Variants in DROSHA observed in about 807,000 individuals in gnomAD.
DROSHA encodes ribonuclease 3.
Under a neutral mutation model 181.9 loss-of-function variants are expected in DROSHA, and 56 were observed. The ratio of observed to expected loss-of-function variants is 0.31; its 90% CI spans 0.25 to 0.38. The LOEUF is 0.38. Ranked by LOEUF, DROSHA falls within the 10% of genes least tolerant of loss-of-function variation. The pLI is 1.00. For missense variants in DROSHA, 1,218 were observed against 1,743.5 expected (o/e 0.70, Z 5.37); for synonymous variants, 524 against 591.2 (o/e 0.89, Z 1.65).
At chr5:31,506,709 AC>A (rs1482974889) in intron 10 of DROSHA, among the ~76,000 whole-genome samples, 1 of 150,368 alleles carries the variant, frequency 6.7e-6, no homozygotes, top group Non-Finnish European at 1.5e-5. Context: ...AAAAAAAAAG[AC>A]AAAAAAAAAG....
intron 21 of DROSHA, among the ~76,000 whole-genome samples, chr5:31,451,158 C>T (rs1277905743): frequency 6.6e-6 from 1 of 151,854 alleles, no homozygotes; most frequent in Admixed American, 6.6e-5. Context: ...GCCGAGATCA[C>T]GCCATTGCAC....
At chr5:31,490,674 T>C (rs930780940) in intron 13 of DROSHA, among the ~76,000 whole-genome samples, 11 of 152,206 alleles carry the variant, frequency 7.2e-5, no homozygotes, top group Non-Finnish European at 1.6e-4. Flanking sequence ...TTACCATCAT[T>C]TGCATGACAT....
chr5:31,406,839 T>C lies in DROSHA; in HGVS notation c.3947+14A>G, dbSNP rs563217555. ...TGTTCATTCAAAGCAATTCCAGGTA[T>C]TCTCTTCTCATACCTTGGTCCTTTC... On this transcript the variant is annotated intron_variant, in intron 34 of 35. Transcript: ENST00000344624. 6 of 1,611,628 alleles carry C rather than the reference T, an allele frequency of 3.7e-6. No homozygotes were observed. The highest frequency in any genetic ancestry group is 3.3e-5 in the South Asian group (3 of 90,822).
chr5:31,435,921 G>C, intron 24 of DROSHA, 57 bp from the exon 25 acceptor site: 1 of 1,509,610 alleles, frequency 6.6e-7, no homozygotes, highest in Non-Finnish European at 9.1e-7. Context: ...TCTGTCTGTG[G>C]CTCTGAGTCA....
chr5:31,406,160 T>C (rs1003331257), intron 34 of DROSHA, among the ~76,000 whole-genome samples: 14 of 152,174 alleles, frequency 9.2e-5, no homozygotes, highest in Non-Finnish European at 1.0e-4. Flanking sequence ...ATAATTCTTT[T>C]CACCTAAAGA....
intron 27 of DROSHA, among the ~76,000 whole-genome samples, chr5:31,425,056 T>C (rs530765979): frequency 4.6e-5 from 7 of 152,286 alleles, no homozygotes; most frequent in African/African-American, 1.7e-4. Flanking sequence ...CTGACTTAAA[T>C]CTAGAGGTTA....
At chr5:31,418,483 G>A (rs1580011152) in intron 30 of DROSHA, among the ~76,000 whole-genome samples, 2 of 151,888 alleles carry the variant, frequency 1.3e-5, no homozygotes, top group African/African-American at 4.8e-5. Context: ...TGCACAGGCT[G>A]GTCTTAAACT....
intron 14 of DROSHA, among the ~76,000 whole-genome samples, 160 bp downstream of exon 14, chr5:31,486,331 A>G (rs1346865277): frequency 6.6e-6 from 1 of 152,246 alleles, no homozygotes; most frequent in Admixed American, 6.5e-5. Flanking sequence ...TAACCTTGAT[A>G]CTAGAGCTAC....
At chr5:31,502,541 C>A (rs913400609) in intron 11 of DROSHA, among the ~76,000 whole-genome samples, 2 of 152,220 alleles carry the variant, frequency 1.3e-5, no homozygotes, top group Non-Finnish European at 2.9e-5. Flanking sequence ...CCAGGCAATA[C>A]AGCATCAGCA....
In DROSHA at chr5:31,526,119, C is replaced by T; in HGVS notation, c.814G>A (p.Gly272Arg). Residue 272 changes from glycine to arginine, a missense_variant, in exon 5 of 36, where the codon GGG (glycine) becomes AGG (arginine). Around this residue, in one of 8 missense-constraint regions of DROSHA, gnomAD observed 536 missense variants for 535.4 expected, o/e 1.00. Coordinates refer to ENST00000344624, the MANE Select transcript of DROSHA (RefSeq NM_001382508.1). ...DSRYRSDYDRGRTPSRHRSYE... is the reference protein window; with the variant it reads ...DSRYRSDYDRRRTPSRHRSYE... ...CTGCGGTGGCGAGATGGTGTTCTCC[C>T]TCGGTCATAATCAGATCTGTACCGG... 1 of 1,604,898 alleles carries T rather than the reference C, an allele frequency of 6.2e-7. No individual in the cohort carries two copies. Among genetic ancestry groups the T allele is most frequent in the Non-Finnish European group, 8.5e-7 (1 of 1,172,508 alleles).
At position 31,476,392 on chromosome 5, in the gene DROSHA, G is replaced by A. The variant is rs566569777; in HGVS notation, c.2072-4160C>T. Among the ~76,000 whole-genome samples the A allele has an allele frequency of 3.5e-4, 53 of 152,234 alleles. 1 individual carries two copies. The highest frequency in any genetic ancestry group is 6.8e-3 in the Middle Eastern group (2 of 294). On this transcript the variant is annotated intron_variant, in intron 16 of 35. Coordinates refer to ENST00000344624, the MANE Select transcript of DROSHA (RefSeq NM_001382508.1). ...AGAAAGAAAGAAAGAAGATCACAAG[G>A]TGCTTATAAGAATGCCAGTTATCCA...
chr5:31,496,477 T>C (rs1235319353), intron 11 of DROSHA, among the ~76,000 whole-genome samples: 1 of 152,242 alleles, frequency 6.6e-6, no homozygotes, highest in Non-Finnish European at 1.5e-5. Flanking sequence ...AGGTGGCCTA[T>C]ACAGGGCTCT....
At chr5:31,446,353 G>A (rs372308345) in intron 23 of DROSHA, among the ~76,000 whole-genome samples, 17 of 151,138 alleles carry the variant, frequency 1.1e-4, no homozygotes, top group South Asian at 6.3e-4. Flanking sequence ...AGGCTGAGGC[G>A]GGAGAATGGC....
intron 5 of DROSHA, among the ~76,000 whole-genome samples, chr5:31,523,291 C>T (rs527463554): frequency 5.9e-5 from 9 of 152,256 alleles, no homozygotes; most frequent in South Asian, 4.1e-4. Context: ...TAAAACAACT[C>T]GAATATAAAT....
intron 20 of DROSHA, 43 bp downstream of exon 20, chr5:31,464,193 A>G: frequency 6.4e-7 from 1 of 1,572,620 alleles, no homozygotes; most frequent in South Asian, 1.1e-5. Context: ...GTTTTAAAGG[A>G]AGAAAAGTAT....
At chr5:31,458,769 A>G (rs1748005171) in intron 20 of DROSHA, among the ~76,000 whole-genome samples, 1 of 152,072 alleles carries the variant, frequency 6.6e-6, no homozygotes, top group Non-Finnish European at 1.5e-5. Context: ...AATTTCATTT[A>G]ATTAATTTAA....
chr5:31,515,300 AT>A, intron 7 of DROSHA, 81 bp from the exon 8 acceptor site: 1 of 1,445,432 alleles, frequency 6.9e-7, no homozygotes, highest in Non-Finnish European at 9.4e-7. Context: ...TATTTGGTGC[AT>A]TTTTCACCTA....
intron 8 of DROSHA, among the ~76,000 whole-genome samples, chr5:31,512,474 T>A (rs1738802929): frequency 6.6e-6 from 1 of 152,144 alleles, no homozygotes; most frequent in African/African-American, 2.4e-5. Context: ...CTTCCCTTCT[T>A]CCTAATAGAA....
At position 31,437,917 on chromosome 5, in the gene DROSHA, G is replaced by A. The variant is rs553698725; in HGVS notation, c.2883-619C>T. ...CCACCCTAGAGCCTTCCACTCTCTCGCATACAATGAGCCACACTGAAAATC... is the reference window on the plus strand; with the variant it reads ...CCACCCTAGAGCCTTCCACTCTCTCACATACAATGAGCCACACTGAAAATC... On this transcript the variant is annotated intron_variant, in intron 23 of 35. Transcript: ENST00000344624. Among the ~76,000 whole-genome samples the A allele has an allele frequency of 8.5e-5, 13 of 152,096 alleles. No homozygotes were observed. In the South Asian group the frequency reaches 1.7e-3, roughly 19 times the overall value.
Sources: gnomAD v4.1 joint callset for allele counts (sites outside exome capture counted in the v4.1 genomes callset) on GRCh38, gnomAD v4.1.1 for gene constraint, gnomAD v4.1.1 regional missense constraint, MANE v1.5 for transcripts, NCBI Gene and HGNC (gene_info 2026-07-23, HGNC 2026-07-21) for gene names.